OMA1: variants seen among roughly 807,000 people sequenced by gnomAD.
OMA1 encodes OMA1 zinc metallopeptidase.
In OMA1, 38 loss-of-function variants were observed where a neutral mutation model predicts 30.9. The ratio of observed to expected loss-of-function variants is 1.23; its 90% CI spans 0.95 to 1.61. The LOEUF is 1.61. Ranked by LOEUF, OMA1 falls within the 40% of genes most tolerant of loss-of-function variation. The probability of loss-of-function intolerance (pLI) is 0.00; values close to 1 mark genes in which losing one functional copy is unlikely to be tolerated. For missense variants in OMA1, 461 were observed against 349.2 expected, an observed-to-expected ratio of 1.32 and a Z score of -2.55; for synonymous variants, 173 against 121.9, an observed-to-expected ratio of 1.42 and a Z score of -2.76.
At chr1:58,533,302 C>T (rs1646465241) in intron 5 of OMA1, among the ~76,000 whole-genome samples, 1 of 152,182 alleles carries the variant, frequency 6.6e-6, no homozygotes, top group African/African-American at 2.4e-5. Flanking sequence ...ACAGAAGACC[C>T]ACGTTAAAGT....
In OMA1 at chr1:58,508,565, A is replaced by G. The variant is rs576227015; in HGVS notation, c.1216-2356T>C. Among the ~76,000 whole-genome samples, 5 of 152,276 alleles carry G rather than the reference A, an allele frequency of 3.3e-5. No homozygotes were observed. In the South Asian group the frequency reaches 8.3e-4, roughly 25 times the overall value. Reference sequence around the variant, plus strand: ...ACCCCCAATACAGCACCATATGATCATAAGAACACCTGCAGCTCCCCACCA... The same window carrying G: ...ACCCCCAATACAGCACCATATGATCGTAAGAACACCTGCAGCTCCCCACCA... On this transcript the variant is annotated intron_variant, in intron 7 of 8. Transcript: ENST00000371226.
chr1:58,508,357 G>A (rs547995209), intron 7 of OMA1, among the ~76,000 whole-genome samples: 7 of 152,182 alleles, frequency 4.6e-5, no homozygotes, highest in East Asian at 1.9e-4. Context: ...AGAATAGGAC[G>A]CCCTAAACCC....
At chr1:58,510,476 A>T (rs936506031) in intron 7 of OMA1, among the ~76,000 whole-genome samples, 17 of 152,170 alleles carry the variant, frequency 1.1e-4, no homozygotes, top group Admixed American at 9.8e-4. Context: ...AATTATCTCG[A>T]CATAATTATA....
At chr1:58,502,583 T>C (rs541824381) in intron 8 of OMA1, among the ~76,000 whole-genome samples, 5 of 152,340 alleles carry the variant, frequency 3.3e-5, no homozygotes, top group South Asian at 2.1e-4. Flanking sequence ...GAACATAACA[T>C]ACTCACTAGA....
At chr1:58,492,949 C>G (rs1320751885) in intron 8 of OMA1, among the ~76,000 whole-genome samples, 1 of 152,066 alleles carries the variant, frequency 6.6e-6, no homozygotes, top group Admixed American at 6.5e-5. Context: ...CAAAGCCTGG[C>G]AGAGACACAA....
In OMA1 at chr1:58,500,992, TA is replaced by T. The variant is rs1220810527; in HGVS notation, c.1365+5067del. Among the ~76,000 whole-genome samples the T allele has an allele frequency of 2.6e-5, 4 of 152,218 alleles. 1 individual carries two copies. Among genetic ancestry groups the T allele is most frequent in the Admixed American group, 2.6e-4 (4 of 15,288 alleles). ...TGTAACTATAATTTTAAAACTGTCA[TA>T]CTATTAAACATCAACAAATTGATAC... is the stretch of plus-strand genomic sequence containing the variant. On this transcript the variant is annotated intron_variant, in intron 8 of 8. Coordinates refer to ENST00000371226, the MANE Select transcript of OMA1 (RefSeq NM_145243.5).
At chr1:58,486,059 CT>C (rs781690517) in intron 8 of OMA1, among the ~76,000 whole-genome samples, 5 of 152,222 alleles carry the variant, frequency 3.3e-5, no homozygotes, top group African/African-American at 4.8e-5. Flanking sequence ...TGTTCACTTT[CT>C]ATGTGCCTTT....
In OMA1 at chr1:58,506,566, T is replaced by A. The variant is rs115691798; in HGVS notation, c.1216-357A>T. On this transcript the variant is annotated intron_variant, in intron 7 of 8. Coordinates refer to ENST00000371226, the MANE Select transcript of OMA1 (RefSeq NM_145243.5). ...TAACAGAATGCCTGCCCTTCCCATATACAACATTCACAATAACCCTGCTAA... is the reference window on the plus strand; with the variant it reads ...TAACAGAATGCCTGCCCTTCCCATAAACAACATTCACAATAACCCTGCTAA... 3.8e-3 allele frequency among the ~76,000 whole-genome samples: 580 copies of A among 152,288 alleles called. 2 individuals are homozygous for A. Among genetic ancestry groups the A allele is most frequent in the African/African-American group, 0.014 (563 of 41,570 alleles).
At chr1:58,533,769 AAGACC>A (rs1222113566) in intron 5 of OMA1, among the ~76,000 whole-genome samples, 179 bp downstream of exon 5, 1 of 152,212 alleles carries the variant, frequency 6.6e-6, no homozygotes, top group Non-Finnish European at 1.5e-5. Flanking sequence ...TCAAATACTA[AAGACC>A]ATAAAAATTC....
At chr1:58,524,615 C>T (rs1646321101) in intron 7 of OMA1, among the ~76,000 whole-genome samples, 1 of 152,160 alleles carries the variant, frequency 6.6e-6, no homozygotes, top group African/African-American at 2.4e-5. Flanking sequence ...ATTTTCTTTT[C>T]CTTTTTTCAA....
At chr1:58,497,151 A>C (rs1354515972) in intron 8 of OMA1, among the ~76,000 whole-genome samples, 2 of 152,232 alleles carry the variant, frequency 1.3e-5, no homozygotes, top group Non-Finnish European at 2.9e-5. Context: ...ACCACGAAGA[A>C]GCAATCAAGT....
intron 8 of OMA1, among the ~76,000 whole-genome samples, chr1:58,498,165 G>C (rs1371268029): frequency 6.6e-6 from 1 of 151,720 alleles, no homozygotes; most frequent in East Asian, 1.9e-4. Flanking sequence ...AAAAATAGGG[G>C]CTCATTAAGC....
At position 58,536,627 on chromosome 1, in the gene OMA1, G is replaced by C. The variant is rs200410055; in HGVS notation, c.615C>G (p.Leu205=). ...GGTGAGTAAAATAAAACACCACAAA[G>C]AGCAATCCAAAACTACTCAAACCAA... ...LFLGLSSFGL[L]FVVFYFTHLE... is the part of the protein sequence containing the mutation. The change falls in exon 3 of 9, where the codon CTC becomes CTG. Residue 205 remains leucine (L), a synonymous_variant. Transcript: ENST00000371226. 1.1e-6 allele frequency: 1 copy of C among 872,750 alleles called. No individual in the cohort carries two copies. Among genetic ancestry groups the C allele is most frequent in the African/African-American group, 1.6e-5 (1 of 61,408 alleles). The allele number at this position is 872,750 out of a possible 1,614,324, so 54.1% of individuals were successfully genotyped here.
rs200540661 is a variant in OMA1, at chr1:58,526,151, G to A, written c.1215+1110C>T. Among the ~76,000 whole-genome samples the A allele has an allele frequency of 2.6e-5, 4 of 152,096 alleles. No homozygotes were observed. The East Asian group carries it at 5.8e-4, about 22-fold the overall frequency. ...CTTAACATATAGGGAAAATCTGACA[G>A]ACTGGAGTACATGAAAATTAGGAAA... On this transcript the variant is annotated intron_variant, in intron 7 of 8. Transcript: ENST00000371226.
chr1:58,480,941 A>G lies in OMA1; in HGVS notation c.*24T>C, dbSNP rs761684491. ...ATAAGGACTGCAACATTCTTCATAT[A>G]TCTTGTGTCTCATAAATTTTAATTC... On this transcript the variant is annotated 3_prime_UTR_variant, in exon 9 of 9. Coordinates refer to ENST00000371226, the MANE Select transcript of OMA1 (RefSeq NM_145243.5). The G allele has an allele frequency of 4.7e-6, 4 of 848,376 alleles. No homozygotes were observed. The allele number at this position is 848,376 out of a possible 1,614,324, so 52.6% of individuals were successfully genotyped here.
chr1:58,514,465 G>T (rs145479666), intron 7 of OMA1, among the ~76,000 whole-genome samples: 1 of 152,138 alleles, frequency 6.6e-6, no homozygotes, highest in African/African-American at 2.4e-5. Context: ...GAATTTTGCT[G>T]TCTGTATTCA....
intron 3 of OMA1, among the ~76,000 whole-genome samples, chr1:58,535,129 T>A (rs4912345): frequency 0.13 from 20,542 of 152,192 alleles, 1,533 homozygotes; most frequent in African/African-American, 0.2. Context: ...AATTACTGAA[T>A]TCTCAGAACT....
chr1:58,480,990 A>G lies in OMA1; in HGVS notation c.1550T>C (p.Ile517Thr), dbSNP rs187943174. The G allele has an allele frequency of 2.2e-5, 19 of 869,926 alleles. No homozygotes were observed. In the East Asian group the frequency reaches 4.1e-4, roughly 19 times the overall value. The allele number at this position is 869,926 out of a possible 1,614,324, so 53.9% of individuals were successfully genotyped here. ...QKQEQIPLTY[I>T]VEKRTGS ...TCAACTGCCCGTTCTTTTCTCAACTATGTATGTTAATGGTATTTGCTCCTG... is the reference window on the plus strand; with the variant it reads ...TCAACTGCCCGTTCTTTTCTCAACTGTGTATGTTAATGGTATTTGCTCCTG... The change falls in exon 9 of 9, where the codon ATA (isoleucine) becomes ACA (threonine). Residue 517 changes from isoleucine (I) to threonine (T), a missense_variant. By Grantham distance (89) the Ile-to-Thr change is moderately conservative (BLOSUM62 -1). Coordinates refer to ENST00000371226, the MANE Select transcript of OMA1 (RefSeq NM_145243.5).
Position 58,539,118 on chromosome 1 carries a change from G to C in OMA1, c.177C>G (p.Asp59Glu), listed in dbSNP as rs1646563474. 9 of 872,810 alleles carry C rather than the reference G, an allele frequency of 1.0e-5. No individual in the cohort carries two copies. Among genetic ancestry groups the C allele is most frequent in the Admixed American group, 1.7e-5 (1 of 59,176 alleles). 54.1% of individuals were successfully genotyped at this position (872,810 alleles called of 1,614,324 possible). A position where few individuals can be genotyped will look rare whatever the true frequency, so the allele number is the denominator to read the frequency against. The change falls in exon 2 of 9, where the codon GAC becomes GAG. Residue 59 changes from aspartate to glutamate, a missense_variant. Transcript: ENST00000371226. ...AGTTTCCAGGCAGAAAACTCCACCT[G>C]TCACACTGATTTACTCCCAGTCCCT... ...KYQGLGVNQC[D>E]RWSFLPGNFH...
Sources: allele counts gnomAD v4.1 joint callset (sites outside exome capture counted in the v4.1 genomes callset), GRCh38; gene constraint gnomAD v4.1.1; transcripts MANE v1.5; gene names NCBI Gene and HGNC (gene_info 2026-07-23, HGNC 2026-07-21).